The following CADPS2 variants were observed in gnomAD, a reference collection of about 807,000 sequenced individuals.
CADPS2 encodes calcium dependent secretion activator 2, also known as calcium-dependent secretion activator 2.
CADPS2 carries 93 observed loss-of-function variants against 172.5 expected under a neutral mutation model. The ratio of observed to expected loss-of-function variants is 0.54; its 90% confidence interval spans 0.46 to 0.64. The LOEUF (loss-of-function observed/expected upper bound fraction) is 0.64, where lower values mean the gene tolerates loss of function less well. Ranked by LOEUF, CADPS2 falls within the 30% of genes least tolerant of loss-of-function variation. CADPS2 has a pLI of 0.00. For missense variants in CADPS2, 1,420 were observed against 1,565.9 expected, an observed-to-expected ratio of 0.91 and a Z score of 1.57; for synonymous variants, 546 against 555.2, an observed-to-expected ratio of 0.98 and a Z score of 0.23.
intron 2 of CADPS2, among the ~76,000 whole-genome samples, chr7:122,666,718 G>A (rs540387409): frequency 4.1e-4 from 62 of 152,232 alleles, no homozygotes; most frequent in African/African-American, 1.4e-3. Context: ...TCTTCTTCCT[G>A]GTTCTCTTCT....
intron 11 of CADPS2, among the ~76,000 whole-genome samples, chr7:122,486,495 T>C (rs2057825411): frequency 6.6e-6 from 1 of 152,206 alleles, no homozygotes; most frequent in Non-Finnish European, 1.5e-5. Context: ...ACTGAATTGC[T>C]GCAATCTCAT....
chr7:122,386,967 G>T (rs1397405430), intron 24 of CADPS2, 59 bp downstream of exon 24: 1 of 1,514,094 alleles, frequency 6.6e-7, no homozygotes, highest in Non-Finnish European at 8.9e-7. Context: ...TGTGGAAAGG[G>T]CATTTCCCAT....
intron 9 of CADPS2, among the ~76,000 whole-genome samples, chr7:122,509,744 G>C (rs747118702): frequency 1.1e-4 from 16 of 152,134 alleles, no homozygotes; most frequent in Non-Finnish European, 2.4e-4. Context: ...ATAATCCTGA[G>C]TAAGTTCCAT....
At chr7:122,532,740 T>C (rs1202486198) in intron 8 of CADPS2, among the ~76,000 whole-genome samples, 2 of 152,154 alleles carry the variant, frequency 1.3e-5, no homozygotes, top group African/African-American at 2.4e-5. Flanking sequence ...ACCATCTCTG[T>C]ATATTTAAAA....
intron 2 of CADPS2, among the ~76,000 whole-genome samples, chr7:122,716,468 G>A (rs992443536): frequency 6.6e-6 from 1 of 152,030 alleles, no homozygotes; most frequent in African/African-American, 2.4e-5. Flanking sequence ...AGGGGTAAGG[G>A]AGCTCCCAGT....
intron 1 of CADPS2, among the ~76,000 whole-genome samples, chr7:122,809,006 T>C (rs966334044): frequency 2.0e-5 from 3 of 152,184 alleles, no homozygotes; most frequent in Non-Finnish European, 4.4e-5. Context: ...AGGGGACACT[T>C]ACAGGCTCCT....
rs1008163151 is a variant in CADPS2 at position 122,399,660 on chromosome 7, C to CTTTTTTTTTTTTTTTT, written c.2747-6094_2747-6079dup. On this transcript the variant is annotated intron_variant, in intron 20 of 29. Coordinates refer to ENST00000449022, the MANE Select transcript of CADPS2 (RefSeq NM_017954.11). ...CGATAACTCTCTCAAGGGTGGGTTT[C>CTTTTTTTTTTTTTTTT]TTTTTTTTTTTTTTTTTTTTTTTTT... is the stretch of plus-strand genomic sequence containing the variant. Among the ~76,000 whole-genome samples, 11 of 51,228 alleles carry CTTTTTTTTTTTTTTTT rather than the reference C, an allele frequency of 2.1e-4. 1 individual carries two copies. Among genetic ancestry groups the CTTTTTTTTTTTTTTTT allele is most frequent in the Admixed American group, 5.8e-4 (2 of 3,462 alleles). The allele number at this position is 51,228 out of a possible 152,430, so 33.6% of individuals were successfully genotyped here.
chr7:122,336,685 G>A (rs1158218869), intron 28 of CADPS2, among the ~76,000 whole-genome samples: 1 of 152,166 alleles, frequency 6.6e-6, no homozygotes, highest in East Asian at 1.9e-4. Flanking sequence ...TGGCTCAGGT[G>A]GATGAATGCA....
At chr7:122,467,599 C>T (rs973680005) in intron 14 of CADPS2, among the ~76,000 whole-genome samples, 3 of 152,212 alleles carry the variant, frequency 2.0e-5, no homozygotes, top group Admixed American at 6.5e-5. Flanking sequence ...AAAGCAAGCA[C>T]ATCTGAGCTG....
At chr7:122,425,143 A>G (rs1184877695) in intron 17 of CADPS2, among the ~76,000 whole-genome samples, 1 of 151,838 alleles carries the variant, frequency 6.6e-6, no homozygotes, top group Non-Finnish European at 1.5e-5. Context: ...ACCACGCCCA[A>G]CTAATTAAGT....
At chr7:122,847,551 T>C (rs1812333079) in intron 1 of CADPS2, among the ~76,000 whole-genome samples, 2 of 152,216 alleles carry the variant, frequency 1.3e-5, no homozygotes, top group South Asian at 2.1e-4. Flanking sequence ...TAGTTTGTTA[T>C]ATAAAAATGG....
chr7:122,689,048 C>T (rs1343840380), intron 2 of CADPS2, among the ~76,000 whole-genome samples: 2 of 152,104 alleles, frequency 1.3e-5, no homozygotes, highest in Non-Finnish European at 2.9e-5. Flanking sequence ...GACCGGTGCA[C>T]ATAGGGCTGC....
intron 25 of CADPS2, among the ~76,000 whole-genome samples, chr7:122,377,219 G>T (rs767794171): frequency 6.6e-6 from 1 of 152,070 alleles, no homozygotes; most frequent in Non-Finnish European, 1.5e-5. Flanking sequence ...ACCACATGTG[G>T]CTAGTAGCCA....
At chr7:122,370,935 T>C (rs965334492) in intron 25 of CADPS2, among the ~76,000 whole-genome samples, 4 of 152,180 alleles carry the variant, frequency 2.6e-5, no homozygotes, top group Non-Finnish European at 4.4e-5. Flanking sequence ...TCACAAACTA[T>C]ATTCTAAGGA....
chr7:122,427,973 C>G (rs190988603), intron 17 of CADPS2, among the ~76,000 whole-genome samples: 17 of 152,174 alleles, frequency 1.1e-4, no homozygotes, highest in Admixed American at 9.2e-4. Flanking sequence ...TCATAGAGGT[C>G]TATAAAGTTT....
At chr7:122,344,057 A>G (rs185897420) in intron 28 of CADPS2, among the ~76,000 whole-genome samples, 106 of 152,340 alleles carry the variant, frequency 7.0e-4, no homozygotes, top group African/African-American at 2.4e-3. Context: ...ATAAAGCATG[A>G]AAGATAAAAT....
rs371883239 is a variant in CADPS2 at position 122,839,757 on chromosome 7, A to G, written c.339+46242T>C. On this transcript the variant is annotated intron_variant, in intron 1 of 29. Transcript: ENST00000449022. ...ACCATCTCACACCAGTTAGAATGGC[A>G]ATCATTAAAAAGTCAGGAAACAACA... is the stretch of plus-strand genomic sequence containing the variant. 5.3e-4 allele frequency among the ~76,000 whole-genome samples: 80 copies of G among 152,246 alleles called. 2 individuals carry two copies. In the East Asian group the frequency reaches 0.015, roughly 29 times the overall value.
chr7:122,627,698 T>C (rs2076213332), intron 4 of CADPS2, among the ~76,000 whole-genome samples: 1 of 152,128 alleles, frequency 6.6e-6, no homozygotes, highest in Non-Finnish European at 1.5e-5. Context: ...GTGCCCAGTC[T>C]CAGGTACAAT....
chr7:122,616,802 A>ATT (rs2133895377), intron 5 of CADPS2, among the ~76,000 whole-genome samples: 1 of 152,258 alleles, frequency 6.6e-6, no homozygotes, highest in Non-Finnish European at 1.5e-5. Context: ...AATGACTCAG[A>ATT]TTTTTTGTTA....
Sources: allele counts gnomAD v4.1 joint callset (sites outside exome capture counted in the v4.1 genomes callset), GRCh38; gene constraint gnomAD v4.1.1; transcripts MANE v1.5; gene names NCBI Gene and HGNC (gene_info 2026-07-23, HGNC 2026-07-21).